Variants in SRRM4 observed in about 807,000 individuals in gnomAD.
SRRM4 encodes serine/arginine repetitive matrix 4, also known as serine/arginine repetitive matrix protein 4.
SRRM4 carries 33 observed loss-of-function variants against 68.9 expected under a neutral mutation model. That is an observed-to-expected ratio of 0.48 (90% CI 0.36 to 0.64). The LOEUF is 0.64. Ranked by LOEUF, SRRM4 falls within the 30% of genes least tolerant of loss-of-function variation. The pLI is 0.00. For synonymous variants in SRRM4, 318 were observed against 318.8 expected (o/e 1.00, Z 0.03); for missense variants, 817 against 827.1 (o/e 0.99, Z 0.15).
intron 1 of SRRM4, among the ~76,000 whole-genome samples, chr12:119,012,460 C>A (rs913527047): frequency 6.6e-6 from 1 of 152,218 alleles, no homozygotes; most frequent in Non-Finnish European, 1.5e-5. Context: ...TGGCCACATT[C>A]CCTGCCCCCA....
At chr12:119,137,572 G>A (rs1179058568) in intron 8 of SRRM4, among the ~76,000 whole-genome samples, 1 of 142,132 alleles carries the variant, frequency 7.0e-6, no homozygotes, top group African/African-American at 2.8e-5. Flanking sequence ...AAGGAGATGA[G>A]GCGAGGTTTG....
At chr12:119,033,043 AC>A (rs1953601969) in intron 1 of SRRM4, among the ~76,000 whole-genome samples, 2 of 151,896 alleles carry the variant, frequency 1.3e-5, no homozygotes, top group African/African-American at 4.8e-5. Context: ...TTTATTGTTG[AC>A]TTTTTTCAAG....
chr12:119,051,464 T>C (rs946297194), intron 1 of SRRM4, among the ~76,000 whole-genome samples: 1 of 152,178 alleles, frequency 6.6e-6, no homozygotes, highest in African/African-American at 2.4e-5. Flanking sequence ...AAGCTGCTTT[T>C]TTTCTTAGTT....
intron 8 of SRRM4, among the ~76,000 whole-genome samples, chr12:119,132,529 T>C (rs61938053): frequency 3.9e-5 from 6 of 152,214 alleles, no homozygotes; most frequent in Non-Finnish European, 5.9e-5. Flanking sequence ...CATTCTTACA[T>C]GTCTGGGATG....
chr12:119,092,936 C>T (rs1954022700), intron 1 of SRRM4, among the ~76,000 whole-genome samples: 1 of 152,158 alleles, frequency 6.6e-6, no homozygotes, highest in Non-Finnish European at 1.5e-5. Context: ...CAGCTCCAGC[C>T]ACACTGCTAA....
chr12:119,103,738 C>T (rs984268433), intron 2 of SRRM4, among the ~76,000 whole-genome samples: 1 of 152,210 alleles, frequency 6.6e-6, no homozygotes, highest in African/African-American at 2.4e-5. Context: ...CATGCTGGCT[C>T]ACGCCTGTAA....
rs150341357 is a variant in SRRM4 at position 119,003,206 on chromosome 12, T to C, written c.131+21193T>C. On this transcript the variant is annotated intron_variant, in intron 1 of 12. Transcript: ENST00000267260. ...GCTAGGCTTGGGCTGCAACCTATGT[T>C]CGAAGACCAGGGGCAAGTAGATTTA... Among the ~76,000 whole-genome samples the C allele has an allele frequency of 9.4e-4, 143 of 151,858 alleles. 1 individual carries two copies. The highest frequency in any genetic ancestry group is 3.2e-3 in the African/African-American group (133 of 41,514).
chr12:119,008,921 C>T (rs985265836), intron 1 of SRRM4, among the ~76,000 whole-genome samples: 1 of 151,974 alleles, frequency 6.6e-6, no homozygotes. Context: ...GGGCCGACCG[C>T]CACCCGCCTG....
At chr12:119,153,714 T>C in intron 11 of SRRM4, 65 bp downstream of exon 11, 2 of 1,221,530 alleles carry the variant, frequency 1.6e-6, no homozygotes, top group South Asian at 2.6e-5. Flanking sequence ...GATCCTCCTC[T>C]CTGGCCCCGC....
intron 1 of SRRM4, among the ~76,000 whole-genome samples, chr12:118,988,208 C>A (rs892166978): frequency 7.2e-5 from 11 of 151,942 alleles, no homozygotes; most frequent in African/African-American, 2.4e-4. Flanking sequence ...TTTTAGTTAT[C>A]CGATCTGCAA....
At chr12:119,009,229 C>T (rs1467337814) in intron 1 of SRRM4, among the ~76,000 whole-genome samples, 1 of 152,124 alleles carries the variant, frequency 6.6e-6, no homozygotes, top group Non-Finnish European at 1.5e-5. Context: ...CACCGAATGG[C>T]ATCTTGGGCA....
At chr12:119,033,107 C>T (rs750523862) in intron 1 of SRRM4, among the ~76,000 whole-genome samples, 6 of 152,026 alleles carry the variant, frequency 3.9e-5, no homozygotes, top group Non-Finnish European at 8.8e-5. Flanking sequence ...TTTTTAAAAA[C>T]TTCATTAATG....
chr12:119,066,212 T>C (rs1953844918), intron 1 of SRRM4, among the ~76,000 whole-genome samples: 1 of 152,178 alleles, frequency 6.6e-6, no homozygotes, highest in African/African-American at 2.4e-5. Context: ...CAATAGCTAT[T>C]ATTTATTGAG....
At chr12:119,052,678 G>A (rs1359801591) in intron 1 of SRRM4, among the ~76,000 whole-genome samples, 1 of 151,998 alleles carries the variant, frequency 6.6e-6, no homozygotes, top group African/African-American at 2.4e-5. Context: ...ACAGGCACCC[G>A]CCACCACCCC....
At chr12:119,121,379 C>A (rs1954218560) in intron 5 of SRRM4, among the ~76,000 whole-genome samples, 1 of 152,236 alleles carries the variant, frequency 6.6e-6, no homozygotes, top group African/African-American at 2.4e-5. Flanking sequence ...TTTGATTACA[C>A]TGAGACCCCA....
chr12:119,011,774 AG>A (rs1953451261), intron 1 of SRRM4, among the ~76,000 whole-genome samples: 1 of 152,170 alleles, frequency 6.6e-6, no homozygotes, highest in South Asian at 2.1e-4. Context: ...TCTACAAAAT[AG>A]GGAGACCAGT....
At chr12:119,061,049 ATG>A (rs146296766) in intron 1 of SRRM4, among the ~76,000 whole-genome samples, 9 of 151,704 alleles carry the variant, frequency 5.9e-5, no homozygotes, top group African/African-American at 1.7e-4. Flanking sequence ...TTAGTATGGA[ATG>A]TGTGTGTGTG....
At chr12:119,041,717 A>T (rs990603095) in intron 1 of SRRM4, among the ~76,000 whole-genome samples, 2 of 152,214 alleles carry the variant, frequency 1.3e-5, no homozygotes, top group Non-Finnish European at 2.9e-5. Flanking sequence ...GAGAACAACC[A>T]GTGCCCCACT....
intron 1 of SRRM4, among the ~76,000 whole-genome samples, chr12:119,092,300 C>G (rs1196339914): frequency 2.0e-5 from 3 of 152,194 alleles, no homozygotes; most frequent in African/African-American, 7.2e-5. Flanking sequence ...TATCATCTCT[C>G]AAACGCATTT....
Sources: allele counts gnomAD v4.1 joint callset (sites outside exome capture counted in the v4.1 genomes callset), GRCh38; gene constraint gnomAD v4.1.1; transcripts MANE v1.5; gene names NCBI Gene and HGNC (gene_info 2026-07-23, HGNC 2026-07-21).